XKR9: variants seen among roughly 807,000 people sequenced by gnomAD.
The protein encoded by XKR9 is XK related 9.
XKR9 carries 32 observed loss-of-function variants against 32.0 expected under a neutral mutation model. The observed-to-expected ratio is 1.00, with a 90% CI of 0.76 to 1.34. The LOEUF (loss-of-function observed/expected upper bound fraction) is 1.34, where lower values mean the gene tolerates loss of function less well. Among genes scored for constraint, XKR9 ranks in the 40% most tolerant of loss-of-function variants. The pLI is 0.00. For missense variants in XKR9, 546 were observed against 429.7 expected (o/e 1.27, Z -2.39); for synonymous variants, 168 against 143.4 (o/e 1.17, Z -1.22).
the XKR9 span, among the ~76,000 whole-genome samples, chr8:70,862,749 T>G: frequency 6.6e-6 from 1 of 152,108 alleles, no homozygotes; most frequent in Non-Finnish European, 1.5e-5. Flanking sequence ...TAAAGATATT[T>G]GTATAACTTA....
chr8:70,881,030 C>G, the XKR9 span, among the ~76,000 whole-genome samples: 1 of 152,152 alleles, frequency 6.6e-6, no homozygotes. Flanking sequence ...AAAAGATTCC[C>G]TATTTAATAA....
chr8:70,784,269 A>G (rs1807653813), intron 2 of XKR9, among the ~76,000 whole-genome samples: 1 of 152,204 alleles, frequency 6.6e-6, no homozygotes, highest in South Asian at 2.1e-4. Flanking sequence ...TAGAGATTGC[A>G]TAGACTCTAT....
At chr8:70,712,651 G>C (rs1346997940) in intron 4 of XKR9, among the ~76,000 whole-genome samples, 1 of 152,086 alleles carries the variant, frequency 6.6e-6, no homozygotes, top group Non-Finnish European at 1.5e-5. Context: ...AAACGTCCTT[G>C]AGAAGGTGTA....
At chr8:70,865,467 C>CA in the XKR9 span, among the ~76,000 whole-genome samples, 46,448 of 146,536 alleles carry the variant, frequency 0.32, 8,545 homozygotes, top group Non-Finnish European at 0.43. Flanking sequence ...CTCACTTTCT[C>CA]AAAAAAAAAA....
chr8:70,962,269 T>C, the XKR9 span, among the ~76,000 whole-genome samples: 1 of 152,176 alleles, frequency 6.6e-6, no homozygotes, highest in Non-Finnish European at 1.5e-5. Context: ...TGTGGATTAG[T>C]TACTGGGTTA....
chr8:71,004,343 G>GC, the XKR9 span, among the ~76,000 whole-genome samples: 18 of 152,168 alleles, frequency 1.2e-4, no homozygotes, highest in East Asian at 3.5e-3. Context: ...CAGCTTATTT[G>GC]CCCCCATAGA....
At chr8:70,932,945 G>A in the XKR9 span, among the ~76,000 whole-genome samples, 1 of 152,078 alleles carries the variant, frequency 6.6e-6, no homozygotes, top group African/African-American at 2.4e-5. Context: ...CTAGCTTTCA[G>A]TTCACTTGAT....
the XKR9 span, among the ~76,000 whole-genome samples, chr8:71,041,850 C>A: frequency 6.6e-6 from 1 of 152,180 alleles, no homozygotes; most frequent in South Asian, 2.1e-4. Context: ...GGCCTCCCAG[C>A]CATGCAGAAC....
chr8:70,893,682 G>A, the XKR9 span, among the ~76,000 whole-genome samples: 1 of 152,286 alleles, frequency 6.6e-6, no homozygotes, highest in Admixed American at 6.5e-5. Flanking sequence ...AGTGGCAGTG[G>A]TGTAGGCTGT....
At chr8:70,800,427 A>T in the XKR9 span, among the ~76,000 whole-genome samples, 1 of 152,238 alleles carries the variant, frequency 6.6e-6, no homozygotes, top group East Asian at 1.9e-4. Context: ...GAATATTTTT[A>T]GGAGGAAAGG....
rs995606614 is a variant in XKR9, at chr8:70,669,393, G to T, written c.-506G>T. The T allele has an allele frequency of 6.8e-6, 3 of 440,450 alleles. No individual in the cohort carries two copies. The highest frequency in any genetic ancestry group is 1.2e-5 in the Non-Finnish European group (3 of 245,144). 27.3% of individuals were successfully genotyped at this position (440,450 alleles called of 1,614,324 possible). A position where few individuals can be genotyped will look rare whatever the true frequency, so the allele number is the denominator to read the frequency against. Reference sequence around the variant, plus strand: ...CGGGCAGTGGTGGGAAGGCTGGCGCGAGGCGTGAGGTGGCGTGAGGCGAAG... The same window carrying T: ...CGGGCAGTGGTGGGAAGGCTGGCGCTAGGCGTGAGGTGGCGTGAGGCGAAG... On this transcript the variant is annotated 5_prime_UTR_variant, in exon 1 of 5. Transcript: ENST00000408926.
the XKR9 span, among the ~76,000 whole-genome samples, chr8:70,847,191 C>A: frequency 4.6e-5 from 7 of 151,988 alleles, no homozygotes; most frequent in African/African-American, 1.2e-4. Context: ...AAAGAGGAAC[C>A]TTGGGAACAG....
At chr8:71,031,821 A>G in the XKR9 span, among the ~76,000 whole-genome samples, 1 of 152,216 alleles carries the variant, frequency 6.6e-6, no homozygotes, top group Admixed American at 6.5e-5. Flanking sequence ...TTGCTTTTTT[A>G]TCATCACCCT....
downstream of XKR9, among the ~76,000 whole-genome samples, chr8:70,794,213 A>G (rs537354540): frequency 9.9e-5 from 15 of 152,120 alleles, no homozygotes; most frequent in Admixed American, 2.0e-4. Context: ...TGTATTCTTC[A>G]ACTTTGCTGA....
At chr8:70,971,664 CA>C in the XKR9 span, among the ~76,000 whole-genome samples, 1 of 152,168 alleles carries the variant, frequency 6.6e-6, no homozygotes, top group African/African-American at 2.4e-5. Flanking sequence ...GATCCAGTTT[CA>C]TTCTTCTACA....
chr8:70,859,350 T>C, the XKR9 span, among the ~76,000 whole-genome samples: 22 of 152,024 alleles, frequency 1.4e-4, no homozygotes, highest in Admixed American at 1.4e-3. Flanking sequence ...ATTTTTGAAA[T>C]AAGGCAATAA....
chr8:71,014,381 G>C, the XKR9 span, among the ~76,000 whole-genome samples: 2 of 152,132 alleles, frequency 1.3e-5, no homozygotes, highest in Non-Finnish European at 2.9e-5. Flanking sequence ...CAAGGTGTTA[G>C]CAGGGTCATG....
chr8:70,709,713 G>T (rs920187371), intron 4 of XKR9, among the ~76,000 whole-genome samples: 24 of 151,996 alleles, frequency 1.6e-4, no homozygotes, highest in African/African-American at 5.6e-4. Context: ...CCACAAAAAA[G>T]AATAAAATAG....
At chr8:70,683,365 T>C (rs915206929) in intron 3 of XKR9, 10 of 315,706 alleles carry the variant, frequency 3.2e-5, no homozygotes, top group African/African-American at 2.0e-4. Flanking sequence ...CACTAGATAT[T>C]ATTATGTATT....
Sources: gnomAD v4.1 joint callset for allele counts (sites outside exome capture counted in the v4.1 genomes callset) on GRCh38, gnomAD v4.1.1 for gene constraint, MANE v1.5 for transcripts, NCBI Gene and HGNC (gene_info 2026-07-23, HGNC 2026-07-21) for gene names.